The following SLC4A11 variants were observed in gnomAD, a reference collection of about 807,000 sequenced individuals.
SLC4A11 encodes the protein solute carrier family 4 member 11.
In SLC4A11, 74 loss-of-function variants were observed where a neutral mutation model predicts 95.0. That is an observed-to-expected ratio of 0.78 (90% confidence interval 0.65 to 0.95). SLC4A11 has a LOEUF of 0.95. Ranked by LOEUF, SLC4A11 falls within the 40% of genes least tolerant of loss-of-function variation. SLC4A11 has a pLI of 0.00. For missense variants in SLC4A11, 1,081 were observed against 1,192.4 expected, an observed-to-expected ratio of 0.91 and a Z score of 1.38; for synonymous variants, 548 against 519.0, an observed-to-expected ratio of 1.06 and a Z score of -0.76.
At chr20:3,238,118 G>C in intron 1 of SLC4A11, 1 of 1,454,322 alleles carries the variant, frequency 6.9e-7, no homozygotes. Flanking sequence ...CACGGGGGCC[G>C]ACAGGCAACG....
Position 3,227,611 on chromosome 20 carries a change from G to A in SLC4A11, c.*176C>T. On this transcript the variant is annotated 3_prime_UTR_variant, in exon 20 of 20. Transcript: ENST00000642402. ...CTAAAGCTAAAGGATAATGGGAGAG[G>A]GGTGGGCACATACCACTGCACCCCT... 1.5e-6 allele frequency: 1 copy of A among 677,294 alleles called. No individual in the cohort carries two copies. The highest frequency in any genetic ancestry group is 2.6e-6 in the Non-Finnish European group (1 of 379,764). 42.0% of individuals were successfully genotyped at this position (677,294 alleles called of 1,614,324 possible).
At chr20:3,236,521 A>G (rs1470941335) in intron 2 of SLC4A11, among the ~76,000 whole-genome samples, 3 of 151,570 alleles carry the variant, frequency 2.0e-5, no homozygotes, top group East Asian at 3.9e-4. Flanking sequence ...CCCAGGAGGC[A>G]GAGCTTGCAG....
Position 3,234,702 on chromosome 20 carries a change from C to A in SLC4A11, c.241+40G>T, listed in dbSNP as rs780928373. ...AAGGCGAGTCACACCTGCCCAGTCC[C>A]GTGCCTTCCCCCAGTCTGCCCCTGC... is the stretch of plus-strand genomic sequence containing the variant. On this transcript the variant is annotated intron_variant, in intron 3 of 19. Coordinates refer to ENST00000642402, the MANE Select transcript of SLC4A11 (RefSeq NM_001174089.2). This position sits in a 1 kb window ranked among gnomAD's most constrained non-coding sequence, Gnocchi z 5.8. The A allele has an allele frequency of 6.2e-7, 1 of 1,613,872 alleles. No homozygotes were observed. The highest frequency in any genetic ancestry group is 1.3e-5 in the African/African-American group (1 of 75,044).
chr20:3,231,581 AC>A lies in SLC4A11; in HGVS notation c.730-34del, dbSNP rs2067782136. ...TGGAGGATGGGAGTCACCCCTAGAA[AC>A]AGAGGAGGCCCTGCCCGGGCCGAGC... On this transcript the variant is annotated intron_variant, in intron 7 of 19. Transcript: ENST00000642402. This position sits in a 1 kb window ranked among gnomAD's most constrained non-coding sequence, Gnocchi z 5.2. 4 of 1,599,096 alleles carry A rather than the reference AC, an allele frequency of 2.5e-6. No individual in the cohort carries two copies. The highest frequency in any genetic ancestry group is 3.4e-6 in the Non-Finnish European group (4 of 1,174,222).
At chr20:3,237,943 A>G (rs2122654971) in intron 1 of SLC4A11, 1 of 1,550,432 alleles carries the variant, frequency 6.4e-7, no homozygotes. Flanking sequence ...CGCTGCAGCG[A>G]GAGGAAGGGA....
At position 3,230,991 on chromosome 20, in the gene SLC4A11, G is replaced by T. The variant is rs1363770105; in HGVS notation, c.1110C>A (p.Cys370Ter). 1.9e-6 allele frequency: 3 copies of T among 1,613,992 alleles called. No individual in the cohort carries two copies. The East Asian group carries it at 6.7e-5, about 36-fold the overall frequency. ...ACCCGAAAGCGATGGTGGGCAGGAG[G>T]CAGGCGAAGTAGAGGAACAGGGTGG... ...ITTTLFLYFA[C>*]LLPTIAFGSL... The change falls in exon 10 of 20, where the codon TGC becomes TGA. Residue 370 changes from cysteine (C) to a stop codon, truncating the protein, a stop_gained. Coordinates refer to ENST00000642402, the MANE Select transcript of SLC4A11 (RefSeq NM_001174089.2). LOFTEE classifies it high-confidence loss of function.
chr20:3,228,938 C>A lies in SLC4A11; in HGVS notation c.2092G>T (p.Gly698Trp). 1.2e-6 allele frequency: 2 copies of A among 1,613,926 alleles called. No homozygotes were observed. Among genetic ancestry groups the A allele is most frequent in the Non-Finnish European group, 1.7e-6 (2 of 1,180,008 alleles). ...AIINTGLSLF[G>W]LPWIHAAYPH... ...TAGGCGGCATGGATCCAAGGCAGCCCAAACAGAGACAGCCCTGTGTTGATG... is the reference window on the plus strand; with the variant it reads ...TAGGCGGCATGGATCCAAGGCAGCCAAAACAGAGACAGCCCTGTGTTGATG... Residue 698 changes from glycine to tryptophan, a missense_variant, in exon 17 of 20, where the codon GGG becomes TGG. Gly to Trp is a radical substitution (Grantham distance 184). This residue lies in a region of SLC4A11 where 767 missense variants were observed against 858.0 expected (regional missense o/e 0.89). Transcript: ENST00000642402.
intron 1 of SLC4A11, chr20:3,238,719 A>C (rs2122665362): frequency 9.7e-7 from 1 of 1,033,744 alleles, no homozygotes; most frequent in Non-Finnish European, 1.2e-6. Flanking sequence ...GTAAAATGAG[A>C]CCTTCCGAGG....
Position 3,231,073 on chromosome 20 carries a change from T to A in SLC4A11, c.1043-15A>T. ...CCCAATAATGCCTAGGAATGGGGGA[T>A]GGGAGAGAGGGTTTGCTGGGGATGC... On this transcript the variant is annotated splice_polypyrimidine_tract_variant and intron_variant, in intron 9 of 19. Transcript: ENST00000642402. This position sits in a 1 kb window ranked among gnomAD's most constrained non-coding sequence, Gnocchi z 5.2. 1.2e-6 allele frequency: 2 copies of A among 1,606,608 alleles called. No individual in the cohort carries two copies. Among genetic ancestry groups the A allele is most frequent in the Non-Finnish European group, 8.5e-7 (1 of 1,179,930 alleles).
intron 2 of SLC4A11, among the ~76,000 whole-genome samples, chr20:3,236,927 A>T (rs2067999974): frequency 6.6e-6 from 1 of 152,014 alleles, no homozygotes; most frequent in Non-Finnish European, 1.5e-5. Context: ...CCAGCCCCAT[A>T]CGTAACCTGC....
Position 3,231,205 on chromosome 20 carries a change from C to G in SLC4A11, c.986G>C (p.Gly329Ala), listed in dbSNP as rs376623977. ...KCKDFVPFGKGIREDIARRFP... is the reference protein window; with the variant it reads ...KCKDFVPFGKAIREDIARRFP... ...CCTGCGTGCGATGTCCTCCCGGATG[C>G]CCTTCCCAAAAGGGACAAAGTCCTT... Residue 329 changes from glycine (G) to alanine (A), a missense_variant, in exon 9 of 20, where the codon GGC becomes GCC. Gly to Ala is a moderately conservative substitution (Grantham distance 60, BLOSUM62 0). Coordinates refer to ENST00000642402, the MANE Select transcript of SLC4A11 (RefSeq NM_001174089.2). This position sits in a 1 kb window ranked among gnomAD's most constrained non-coding sequence, Gnocchi z 5.2. 2.1e-5 allele frequency: 34 copies of G among 1,613,980 alleles called. 1 individual carries two copies. The highest frequency in any genetic ancestry group is 2.5e-6 in the Non-Finnish European group (3 of 1,180,034).
rs121909395 is a variant in SLC4A11, at chr20:3,233,937, A to G, written c.589T>C (p.Ser197Pro). 18 of 1,613,374 alleles carry G rather than the reference A, an allele frequency of 1.1e-5. No individual in the cohort carries two copies. The highest frequency in any genetic ancestry group is 1.5e-5 in the Non-Finnish European group (18 of 1,180,004). The change falls in exon 6 of 20, where the codon TCG (serine) becomes CCG (proline). Residue 197 changes from serine to proline, a missense_variant. Ser to Pro is a moderately conservative substitution (Grantham distance 74). Transcript: ENST00000642402. ...GCAACTCACATGATGCAGAGCCACG[A>G]CTGCTGGTACCGCACCCCTGTCACT... ...ATVTGVRYQQ[S>P]WLCIICTMKA...
In SLC4A11 at chr20:3,229,667, G is replaced by T. The variant is rs1243332220; in HGVS notation, c.1599C>A (p.His533Gln). Residue 533 changes from histidine (H) to glutamine (Q), a missense_variant, in exon 14 of 20, where the codon CAC becomes CAA. His to Gln is a conservative substitution (Grantham distance 24, BLOSUM62 0). Coordinates refer to ENST00000642402, the MANE Select transcript of SLC4A11 (RefSeq NM_001174089.2). ...GLGASLNASL[H>Q]TALNASFLAS... ...CGAGGAAGCTGGCGTTGAGGGCAGT[G>T]TGGAGGCTGGCGTTGAGGCTGGCGC... 8 of 1,613,810 alleles carry T rather than the reference G, an allele frequency of 5.0e-6. No individual in the cohort carries two copies. The highest frequency in any genetic ancestry group is 4.0e-5 in the African/African-American group (3 of 74,938).
At chr20:3,228,210 C>T (rs567200737) in intron 19 of SLC4A11, 49 bp downstream of exon 19, 1 of 1,423,836 alleles carries the variant, frequency 7.0e-7, no homozygotes, top group South Asian at 1.1e-5. Context: ...CCCGCCCATT[C>T]TCCACACCTA....
chr20:3,231,352 A>G lies in SLC4A11; in HGVS notation c.926T>C (p.Leu309Pro). The G allele has an allele frequency of 6.2e-7, 1 of 1,613,796 alleles. No homozygotes were observed. The highest frequency in any genetic ancestry group is 8.5e-7 in the Non-Finnish European group (1 of 1,179,970). ...PRTKERSTVS[L>P]PAHRHPEPPK... Reference sequence around the variant, plus strand: ...TACCTCTGGGTGTCTGTGGGCAGGGAGGGAGACTGTGCTGCGTTCCTTCGT... The same window carrying G: ...TACCTCTGGGTGTCTGTGGGCAGGGGGGGAGACTGTGCTGCGTTCCTTCGT... The change falls in exon 8 of 20, where the codon CTC becomes CCC. Residue 309 changes from leucine to proline, a missense_variant. This residue lies in a region of SLC4A11 where 767 missense variants were observed against 858.0 expected (regional missense o/e 0.89). Transcript: ENST00000642402. This position sits in a 1 kb window ranked among gnomAD's most constrained non-coding sequence, Gnocchi z 5.2.
chr20:3,228,637 G>A lies in SLC4A11; in HGVS notation c.2263C>T (p.Leu755=), dbSNP rs2122504486. The change falls in exon 18 of 20, where the codon CTG becomes TTG. Residue 755 remains leucine (L), a synonymous_variant. Coordinates refer to ENST00000642402, the MANE Select transcript of SLC4A11 (RefSeq NM_001174089.2). ...ASVLVGLSLL[L]LPVPLQWIPK... is the part of the protein sequence containing the mutation. ...ATCCACTGAAGCGGGACCGGCAGCAGCAACAGGGACAGGCCCACCAGGACG... is the reference window on the plus strand; with the variant it reads ...ATCCACTGAAGCGGGACCGGCAGCAACAACAGGGACAGGCCCACCAGGACG... The A allele has an allele frequency of 1.2e-6, 2 of 1,613,112 alleles. No individual in the cohort carries two copies. Among genetic ancestry groups the A allele is most frequent in the East Asian group, 4.5e-5 (2 of 44,874 alleles).
chr20:3,234,417 C>CCCAGCCT lies in SLC4A11; in HGVS notation c.292-104_292-103insAGGCTGG. ...AGCCGCAGCAGTCCAGCCCCCAGCC[C>CCCAGCCT]CCAGCCCCCAGCCCTGGGCTGGTGC... On this transcript the variant is annotated intron_variant, in intron 4 of 19. Transcript: ENST00000642402. The surrounding 1 kb of genome is among the most constrained non-coding windows in gnomAD (Gnocchi z 5.8). 6.7e-7 allele frequency: 1 copy of CCCAGCCT among 1,496,642 alleles called. No individual in the cohort carries two copies. Among genetic ancestry groups the CCCAGCCT allele is most frequent in the Non-Finnish European group, 9.2e-7 (1 of 1,083,456 alleles). The allele number at this position is 1,496,642 out of a possible 1,614,324, so 92.7% of individuals were successfully genotyped here.
At chr20:3,229,998 C>CG (rs2067699062) in intron 13 of SLC4A11, among the ~76,000 whole-genome samples, 189 bp downstream of exon 13, 1 of 152,158 alleles carries the variant, frequency 6.6e-6, no homozygotes, top group Admixed American at 6.5e-5. Flanking sequence ...CCACCTGGGG[C>CG]GGCCCCGTCA....
At chr20:3,239,448 A>G (rs2068087173), upstream of SLC4A11, 1 of 1,039,416 alleles carries the variant, frequency 9.6e-7, no homozygotes, top group African/African-American at 1.7e-5. Context: ...TGCGCGCCGG[A>G]CCCAGCAGAC....
Sources: gnomAD v4.1 joint callset for allele counts (sites outside exome capture counted in the v4.1 genomes callset) on GRCh38, gnomAD v4.1.1 for gene constraint, gnomAD v4.1.1 regional missense constraint, Gnocchi (gnomAD v3.1) non-coding constraint, MANE v1.5 for transcripts, NCBI Gene and HGNC (gene_info 2026-07-23, HGNC 2026-07-21) for gene names.